Variants in ZNF138 observed in about 807,000 individuals in gnomAD.
ZNF138 encodes the protein zinc finger protein 138 (clone pHZ-32).
In ZNF138, 33 loss-of-function variants were observed where a neutral mutation model predicts 33.0. That is an observed-to-expected ratio of 1.00 (90% CI 0.76 to 1.34). The LOEUF (loss-of-function observed/expected upper bound fraction) is 1.34. Ranked by LOEUF, ZNF138 falls within the 40% of genes most tolerant of loss-of-function variation. The pLI is 0.00. For synonymous variants in ZNF138, 139 were observed against 120.4 expected (o/e 1.15, Z -1.01); for missense variants, 360 against 370.8 (o/e 0.97, Z 0.24).
At chr7:64,826,387 C>G (rs1789617370) in intron 3 of ZNF138, among the ~76,000 whole-genome samples, 2 of 152,008 alleles carry the variant, frequency 1.3e-5, no homozygotes, top group African/African-American at 4.8e-5. Context: ...TCAAGCGATT[C>G]TTCTGCCTTG....
At chr7:64,820,991 T>TA (rs1191162152) in intron 3 of ZNF138, among the ~76,000 whole-genome samples, 3 of 150,786 alleles carry the variant, frequency 2.0e-5, no homozygotes, top group Admixed American at 6.6e-5. Flanking sequence ...TTGGTGTTTT[T>TA]AAAAAAAATT....
Position 64,815,050 on chromosome 7 carries a change from A to G in ZNF138, c.130+6A>G. The G allele has an allele frequency of 1.9e-6, 3 of 1,599,570 alleles. No homozygotes were observed. Among genetic ancestry groups the G allele is most frequent in the Non-Finnish European group, 2.6e-6 (3 of 1,174,416 alleles). On this transcript the variant is annotated splice_donor_region_variant and intron_variant, in intron 2 of 3. Transcript: ENST00000307355. ...CAGAAACCTGGTTTTCTTGGGTGAG[A>G]ATAACTTCAGTACACATTTCCTAAT...
chr7:64,847,315 C>CATAT, the ZNF138 span, among the ~76,000 whole-genome samples: 613 of 104,122 alleles, frequency 5.9e-3, 5 homozygotes, highest in African/African-American at 0.019. Flanking sequence ...TCTTCTAATA[C>CATAT]ATATATATAT....
At chr7:64,801,113 A>G (rs558398287) in intron 1 of ZNF138, among the ~76,000 whole-genome samples, 1 of 152,072 alleles carries the variant, frequency 6.6e-6, no homozygotes, top group Admixed American at 6.5e-5. Context: ...TTTTTAATAG[A>G]TTTAACTCCT....
At chr7:64,811,131 TA>T (rs1455619699) in intron 1 of ZNF138, among the ~76,000 whole-genome samples, 1 of 152,134 alleles carries the variant, frequency 6.6e-6, no homozygotes, top group African/African-American at 2.4e-5. Flanking sequence ...ATACATTTTT[TA>T]AAAAAATCAG....
At chr7:64,825,229 G>A (rs1164904245) in intron 3 of ZNF138, among the ~76,000 whole-genome samples, 1 of 131,732 alleles carries the variant, frequency 7.6e-6, no homozygotes, top group Admixed American at 9.1e-5. Context: ...CTGGAGTGCA[G>A]TGGCGCGATC....
chr7:64,803,289 A>G (rs962907019), intron 1 of ZNF138, among the ~76,000 whole-genome samples: 10 of 72,158 alleles, frequency 1.4e-4, no homozygotes, highest in African/African-American at 5.0e-4. Context: ...TTTAATCTGT[A>G]TCTTTTAAGG....
At chr7:64,809,683 G>A (rs1305816573) in intron 1 of ZNF138, among the ~76,000 whole-genome samples, 1 of 146,484 alleles carries the variant, frequency 6.8e-6, no homozygotes, top group Non-Finnish European at 1.5e-5. Flanking sequence ...CGGGCGGAGG[G>A]GCTCCTCACT....
intron 1 of ZNF138, among the ~76,000 whole-genome samples, chr7:64,809,780 G>A (rs1159156370): frequency 7.1e-6 from 1 of 141,734 alleles, no homozygotes; most frequent in Non-Finnish European, 1.5e-5. Context: ...CTCCCAGACG[G>A]GGTCGCGGCC....
rs7809431 is a variant in ZNF138 at position 64,814,906 on chromosome 7, C to T, written c.4-12C>T. ...TAATGTGTGTGTGTGTTTGTGTGTG[C>T]GTGTTTTTCAGGGACCACTGACATT... On this transcript the variant is annotated splice_polypyrimidine_tract_variant and intron_variant, in intron 1 of 3. Coordinates refer to ENST00000307355, the MANE Select transcript of ZNF138 (RefSeq NM_001271639.2). 1,567,157 of 1,587,958 alleles carry T rather than the reference C, an allele frequency of 0.99. 773,293 individuals carry two copies. Among genetic ancestry groups the T allele is most frequent in the Non-Finnish European group, 0.99 (1,150,830 of 1,162,138 alleles).
chr7:64,815,684 G>A (rs1490721442), intron 3 of ZNF138, 31 bp downstream of exon 3: 1 of 1,592,818 alleles, frequency 6.3e-7, no homozygotes, highest in African/African-American at 1.3e-5. Context: ...AGATGGCACA[G>A]ATGAGAGGTC....
chr7:64,838,252 C>T (rs1005497087), downstream of ZNF138, among the ~76,000 whole-genome samples: 15 of 152,174 alleles, frequency 9.9e-5, no homozygotes, highest in Non-Finnish European at 1.3e-4. Context: ...GCTCCGAGGC[C>T]GGGGCAGTCT....
At chr7:64,854,247 T>C in the ZNF138 span, among the ~76,000 whole-genome samples, 1 of 152,182 alleles carries the variant, frequency 6.6e-6, no homozygotes, top group Admixed American at 6.5e-5. Flanking sequence ...ACATATGTAC[T>C]TCTTTTTTTT....
chr7:64,813,730 G>T (rs1026818821), intron 1 of ZNF138, among the ~76,000 whole-genome samples: 6 of 152,072 alleles, frequency 3.9e-5, no homozygotes, highest in South Asian at 2.1e-4. Flanking sequence ...CACCCCGCCT[G>T]GCCAAATGAT....
At chr7:64,805,367 C>G (rs1787495695) in intron 1 of ZNF138, among the ~76,000 whole-genome samples, 1 of 151,288 alleles carries the variant, frequency 6.6e-6, no homozygotes, top group South Asian at 2.1e-4. Context: ...CCACTGCACT[C>G]CAGCCTGGGC....
chr7:64,811,754 A>G (rs1161687227), intron 1 of ZNF138, among the ~76,000 whole-genome samples: 3 of 152,200 alleles, frequency 2.0e-5, no homozygotes, highest in African/African-American at 7.2e-5. Flanking sequence ...AAGAGTGCTG[A>G]GTGTAAGGAA....
At chr7:64,840,122 C>T in the ZNF138 span, among the ~76,000 whole-genome samples, 349 of 152,002 alleles carry the variant, frequency 2.3e-3, no homozygotes, top group African/African-American at 7.9e-3. Context: ...TCTGAGGTGG[C>T]GATCGCCATC....
At chr7:64,816,710 A>G (rs1399112433) in intron 3 of ZNF138, among the ~76,000 whole-genome samples, 1 of 151,984 alleles carries the variant, frequency 6.6e-6, no homozygotes, top group African/African-American at 2.4e-5. Context: ...TTTCAATGCT[A>G]TGTTAAAATA....
downstream of ZNF138, chr7:64,836,137 G>C (rs984254360): frequency 6.6e-6 from 1 of 152,122 alleles, no homozygotes; most frequent in Non-Finnish European, 1.5e-5. Flanking sequence ...GTAACAGAAC[G>C]GGAACTTGTG....
Sources: allele counts gnomAD v4.1 joint callset (sites outside exome capture counted in the v4.1 genomes callset), GRCh38; gene constraint gnomAD v4.1.1; transcripts MANE v1.5; gene names NCBI Gene and HGNC (gene_info 2026-07-23, HGNC 2026-07-21).